The following DAB1 variants were observed in gnomAD, a reference collection of about 807,000 sequenced individuals.
DAB1 encodes DAB adaptor protein 1.
Under a neutral mutation model 64.6 loss-of-function variants are expected in DAB1, and 15 were observed. The observed-to-expected ratio is 0.23, with a 90% CI of 0.16 to 0.36. The LOEUF is 0.36. Among genes scored for constraint, DAB1 ranks in the 10% least tolerant of loss-of-function variants. The pLI, the probability that DAB1 is intolerant of heterozygous loss-of-function variation, is 1.00. For synonymous variants in DAB1, 235 were observed against 251.9 expected, an observed-to-expected ratio of 0.93 and a Z score of 0.64; for missense variants, 596 against 706.7, an observed-to-expected ratio of 0.84 and a Z score of 1.78.
intron 1 of DAB1, among the ~76,000 whole-genome samples, chr1:57,324,409 T>C (rs1245111969): frequency 6.6e-6 from 1 of 152,208 alleles, no homozygotes; most frequent in African/African-American, 2.4e-5. Flanking sequence ...AAAGGTATCA[T>C]TTTATCTGTT....
At chr1:57,365,390 A>T (rs998303603) in intron 1 of DAB1, among the ~76,000 whole-genome samples, 1 of 144,978 alleles carries the variant, frequency 6.9e-6, no homozygotes, top group African/African-American at 2.5e-5. Context: ...TGTATTACAT[A>T]TAAATATATA....
upstream of DAB1, among the ~76,000 whole-genome samples, chr1:57,428,116 TGAG>T (rs947819684): frequency 1.6e-4 from 25 of 151,806 alleles, no homozygotes; most frequent in Admixed American, 1.1e-3. Flanking sequence ...TGCAGTGAGC[TGAG>T]ATCGCACCAT....
At chr1:58,000,052 T>TGGAG (rs993034209) in intron 5 of DAB1, among the ~76,000 whole-genome samples, 2 of 144,512 alleles carry the variant, frequency 1.4e-5, no homozygotes, top group South Asian at 2.3e-4. Flanking sequence ...GAGTGAGAAA[T>TGGAG]GGAGGGAGGG....
Position 57,015,190 on chromosome 1 carries a change from C to A in DAB1, c.1137G>T (p.Met379Ile), listed in dbSNP as rs1322793095. The change falls in exon 12 of 15, where the codon ATG (methionine) becomes ATT (isoleucine). Residue 379 changes from methionine to isoleucine, a missense_variant. Met to Ile is a conservative substitution (Grantham distance 10, BLOSUM62 1). Around this residue, in one of 3 missense-constraint regions of DAB1, gnomAD observed 377 missense variants for 400.4 expected, o/e 0.94. Coordinates refer to ENST00000371236, the MANE Select transcript of DAB1 (RefSeq NM_001365792.1). ...CAAGGGGGGTGAGGGGACCTTGGAACATGGCAGCTGGCAAAGGCATAACAG... is the reference window on the plus strand; with the variant it reads ...CAAGGGGGGTGAGGGGACCTTGGAAAATGGCAGCTGGCAAAGGCATAACAG... The part of the protein sequence containing the change: ...TQTVMPLPAA[M>I]FQGPLTPLAT... 6.2e-7 allele frequency: 1 copy of A among 1,614,024 alleles called. No homozygotes were observed. The highest frequency in any genetic ancestry group is 1.1e-5 in the South Asian group (1 of 91,052).
At chr1:57,776,111 C>G (rs1464674665) in intron 6 of DAB1, among the ~76,000 whole-genome samples, 1 of 151,510 alleles carries the variant, frequency 6.6e-6, no homozygotes, top group African/African-American at 2.4e-5. Context: ...AAGTGTGTTT[C>G]TTGCAGACAG....
At chr1:57,071,223 G>A (rs1651426648) in intron 6 of DAB1, 162 bp from the exon 7 acceptor site, 1 of 709,128 alleles carries the variant, frequency 1.4e-6, no homozygotes, top group African/African-American at 1.8e-5. Context: ...AAAATCCTTA[G>A]AGCCACTCCC....
chr1:58,199,163 A>C (rs1287046077), intron 4 of DAB1, among the ~76,000 whole-genome samples: 1 of 152,144 alleles, frequency 6.6e-6, no homozygotes, highest in Non-Finnish European at 1.5e-5. Context: ...TATTGATCCC[A>C]TAAGAAGCTA....
intron 6 of DAB1, among the ~76,000 whole-genome samples, chr1:57,728,455 G>A (rs138939269): frequency 1.7e-3 from 259 of 152,202 alleles, no homozygotes; most frequent in African/African-American, 5.8e-3. Flanking sequence ...TTAGCCCAGC[G>A]TGGTGGCGGG....
intron 7 of DAB1, among the ~76,000 whole-genome samples, chr1:57,431,077 G>A (rs1248203321): frequency 6.8e-6 from 1 of 146,712 alleles, no homozygotes; most frequent in Non-Finnish European, 1.5e-5. Context: ...CATGAAGGAA[G>A]TGACATCATC....
At chr1:57,045,300 T>C (rs563274458) in intron 9 of DAB1, among the ~76,000 whole-genome samples, 2 of 152,288 alleles carry the variant, frequency 1.3e-5, no homozygotes, top group Admixed American at 1.3e-4. Context: ...GCTATCCCTA[T>C]AACAATGGCA....
chr1:58,338,864 A>G (rs1663184879), intron 4 of DAB1, among the ~76,000 whole-genome samples: 1 of 152,250 alleles, frequency 6.6e-6, no homozygotes, highest in African/African-American at 2.4e-5. Context: ...TGTAACATAG[A>G]TGAGCCTTGA....
chr1:57,218,931 C>T (rs1666649602), intron 2 of DAB1, among the ~76,000 whole-genome samples: 1 of 152,102 alleles, frequency 6.6e-6, no homozygotes, highest in Non-Finnish European at 1.5e-5. Context: ...GAACATCCTG[C>T]TCTGGTCTGG....
chr1:58,295,880 CA>C lies in DAB1; in HGVS notation n.309+47471del, dbSNP rs143006556. Among the ~76,000 whole-genome samples the C allele has an allele frequency of 0.022, 3,289 of 151,884 alleles. 249 individuals are homozygous for C. The South Asian group carries it at 0.22, about 10-fold the overall frequency. On this transcript the variant is annotated intron_variant and non_coding_transcript_variant, in intron 4 of 20. Transcript: ENST00000485760. ...TCAAGGTGGGTGGATTACTTGAGGT[CA>C]GGGGGTCGAGACCAGCCTGGCCAAC...
intron 5 of DAB1, among the ~76,000 whole-genome samples, chr1:57,921,310 T>G (rs569271481): frequency 1.3e-5 from 2 of 152,338 alleles, no homozygotes; most frequent in Admixed American, 1.3e-4. Flanking sequence ...ATTGGAATAG[T>G]ATTTGCCACT....
intron 9 of DAB1, among the ~76,000 whole-genome samples, chr1:57,060,295 C>T (rs1215864151): frequency 6.6e-6 from 1 of 151,902 alleles, no homozygotes; most frequent in Non-Finnish European, 1.5e-5. Context: ...GGATTACAGG[C>T]ATGCCTCACC....
At chr1:58,389,942 G>A (rs1178092081) in intron 3 of DAB1, among the ~76,000 whole-genome samples, 1 of 152,106 alleles carries the variant, frequency 6.6e-6, no homozygotes. Flanking sequence ...CTGCCGGGCA[G>A]CAGCACTTGG....
intron 3 of DAB1, among the ~76,000 whole-genome samples, chr1:58,440,106 T>C (rs1329353843): frequency 1.3e-5 from 2 of 152,220 alleles, no homozygotes; most frequent in Admixed American, 6.5e-5. Context: ...GCAAATCCTG[T>C]CTGCAGTAGG....
chr1:57,265,995 T>C (rs1201163102), intron 2 of DAB1, among the ~76,000 whole-genome samples: 4 of 152,146 alleles, frequency 2.6e-5, no homozygotes, highest in Non-Finnish European at 5.9e-5. Context: ...TACCCATGGC[T>C]GTTGAGTGCC....
rs142758533 is a variant in DAB1, at chr1:57,352,967, C to T, written c.-136-61801G>A. On this transcript the variant is annotated intron_variant, in intron 1 of 14. Coordinates refer to ENST00000371236, the MANE Select transcript of DAB1 (RefSeq NM_001365792.1). ...CAAGAGACCGCCTTTAGAATTCATC[C>T]GCACTGTTGGCTCTCCTGAGTTTCA... Among the ~76,000 whole-genome samples the T allele has an allele frequency of 1.5e-3, 232 of 152,178 alleles. 4 individuals carry two copies. The East Asian group carries it at 0.024, about 16-fold the overall frequency.
Sources: allele counts gnomAD v4.1 joint callset (sites outside exome capture counted in the v4.1 genomes callset), GRCh38; gene constraint gnomAD v4.1.1; regional missense constraint gnomAD v4.1.1; transcripts MANE v1.5; gene names NCBI Gene and HGNC (gene_info 2026-07-23, HGNC 2026-07-21).